The following NUP93 variants were observed in gnomAD, a reference collection of about 807,000 sequenced individuals.
The protein encoded by NUP93 is nucleoporin 93.
NUP93 carries 55 observed loss-of-function variants against 107.8 expected under a neutral mutation model. That is an observed-to-expected ratio of 0.51 (90% CI 0.41 to 0.64). NUP93 has a LOEUF of 0.64. Among genes scored for constraint, NUP93 ranks in the 30% least tolerant of loss-of-function variants. NUP93 has a pLI of 0.00. For missense variants in NUP93, 937 were observed against 1,044.7 expected (o/e 0.90, Z 1.42); for synonymous variants, 390 against 397.5 (o/e 0.98, Z 0.22).
chr16:56,731,360 T>A lies in NUP93; in HGVS notation c.-15+1149T>A, dbSNP rs149559733. On this transcript the variant is annotated intron_variant, in intron 1 of 21. Transcript: ENST00000308159. ...AGGAAAGACCTTGGCTAATAACTTT[T>A]GAGCCATCGTTGACTGCTGTCTTTC... 5.0e-3 allele frequency among the ~76,000 whole-genome samples: 768 copies of A among 152,196 alleles called. 4 individuals carry two copies. Among genetic ancestry groups the A allele is most frequent in the Admixed American group, 0.013 (206 of 15,292 alleles).
intron 2 of NUP93, among the ~76,000 whole-genome samples, chr16:56,752,283 G>A (rs1393174659): frequency 6.6e-6 from 1 of 152,062 alleles, no homozygotes; most frequent in African/African-American, 2.4e-5. Context: ...AAAACCCTGT[G>A]CACAGGGATA....
At chr16:56,762,794 T>C (rs1962149108) in intron 3 of NUP93, among the ~76,000 whole-genome samples, 1 of 152,052 alleles carries the variant, frequency 6.6e-6, no homozygotes, top group Non-Finnish European at 1.5e-5. Flanking sequence ...TAGGGGAGAC[T>C]CCTTCCTCTT....
intron 1 of NUP93, among the ~76,000 whole-genome samples, chr16:56,746,298 C>T (rs189165662): frequency 8.5e-5 from 13 of 152,192 alleles, no homozygotes; most frequent in East Asian, 7.7e-4. Context: ...TCTATCAGGC[C>T]GGAGTAGTTG....
intron 1 of NUP93, among the ~76,000 whole-genome samples, chr16:56,744,467 G>GT (rs1320806411): frequency 6.6e-6 from 1 of 152,040 alleles, no homozygotes; most frequent in East Asian, 1.9e-4. Context: ...CACAATGATG[G>GT]TAACAAAAAA....
intron 6 of NUP93, 142 bp from the exon 7 acceptor site, chr16:56,821,362 G>T: frequency 1.8e-6 from 1 of 568,052 alleles, no homozygotes; most frequent in Non-Finnish European, 3.2e-6. Flanking sequence ...CGCAACTGGG[G>T]AGCTGGCCAG....
At position 56,844,625 on chromosome 16, in the gene NUP93, G is replaced by A; in HGVS notation, c.*16G>A. 6.4e-7 allele frequency: 1 copy of A among 1,566,006 alleles called. No individual in the cohort carries two copies. The highest frequency in any genetic ancestry group is 8.7e-7 in the Non-Finnish European group (1 of 1,149,316). On this transcript the variant is annotated 3_prime_UTR_variant, in exon 22 of 22. Transcript: ENST00000308159. Reference sequence around the variant, plus strand: ...CATGAATTAAGTGCCATGCTTTGTGGGAGTCTGGGTCGGCACACTGTCAGT... The same window carrying A: ...CATGAATTAAGTGCCATGCTTTGTGAGAGTCTGGGTCGGCACACTGTCAGT...
chr16:56,826,208 C>T (rs1251470308), intron 8 of NUP93, among the ~76,000 whole-genome samples: 1 of 152,118 alleles, frequency 6.6e-6, no homozygotes, highest in African/African-American at 2.4e-5. Context: ...TCTTATCCAA[C>T]CTCTGCTTAT....
At chr16:56,778,197 G>C (rs1227204191) in intron 3 of NUP93, among the ~76,000 whole-genome samples, 3 of 152,192 alleles carry the variant, frequency 2.0e-5, no homozygotes, top group Admixed American at 2.0e-4. Context: ...GGGTAGTTGG[G>C]AAAGACTCCC....
At chr16:56,744,084 T>G (rs1450378697) in intron 1 of NUP93, among the ~76,000 whole-genome samples, 23 of 152,306 alleles carry the variant, frequency 1.5e-4, no homozygotes, top group African/African-American at 4.8e-4. Context: ...CTGCATTGAC[T>G]GCTCCGGGTC....
intron 20 of NUP93, among the ~76,000 whole-genome samples, chr16:56,841,323 C>T (rs75658883): frequency 0.019 from 2,853 of 152,054 alleles, 46 homozygotes; most frequent in Non-Finnish European, 0.03. Flanking sequence ...GTGGTAGGGA[C>T]TGTGGAGAAG....
chr16:56,834,397 C>T lies in NUP93; in HGVS notation c.1692C>T (p.Asn564=), dbSNP rs35762426. ...LRDEKDSQGE[N]MFLRCVSELV... ...ATGAGAAAGATAGTCAAGGAGAAAA[C>T]ATGTTTCTGCGCTGTGTGAGTGAGC... Residue 564 remains asparagine, a synonymous_variant, in exon 15 of 22, where the codon AAC becomes AAT. Transcript: ENST00000308159. 1.4e-3 allele frequency: 2,236 copies of T among 1,614,166 alleles called. 38 individuals are homozygous for T. The African/African-American group carries it at 0.027, about 19-fold the overall frequency.
intron 1 of NUP93, among the ~76,000 whole-genome samples, chr16:56,730,577 T>C (rs1961517505): frequency 1.3e-5 from 2 of 152,148 alleles, no homozygotes; most frequent in South Asian, 4.1e-4. Context: ...CCCGCCTGCT[T>C]ACCTTCCTGA....
At chr16:56,752,098 G>T (rs1183716329) in intron 2 of NUP93, among the ~76,000 whole-genome samples, 1 of 152,054 alleles carries the variant, frequency 6.6e-6, no homozygotes, top group African/African-American at 2.4e-5. Context: ...AAATTCTGAG[G>T]TTCTCAAAAT....
intron 1 of NUP93, among the ~76,000 whole-genome samples, chr16:56,733,902 G>T (rs1961572159): frequency 6.6e-6 from 1 of 152,186 alleles, no homozygotes; most frequent in Non-Finnish European, 1.5e-5. Flanking sequence ...GTTGCTAAAA[G>T]CCAGAAGAAA....
At chr16:56,819,630 G>A (rs1383022142) in intron 6 of NUP93, among the ~76,000 whole-genome samples, 1 of 152,204 alleles carries the variant, frequency 6.6e-6, no homozygotes, top group African/African-American at 2.4e-5. Flanking sequence ...GGCAGCTATG[G>A]AGGTGAGCAG....
At chr16:56,795,804 G>A (rs1226584539) in intron 3 of NUP93, among the ~76,000 whole-genome samples, 1 of 151,976 alleles carries the variant, frequency 6.6e-6, no homozygotes, top group Admixed American at 6.6e-5. Context: ...CCGCCACCAC[G>A]GCTGGCTAAT....
intron 3 of NUP93, among the ~76,000 whole-genome samples, chr16:56,788,819 A>G (rs549204876): frequency 6.6e-6 from 1 of 152,280 alleles, no homozygotes; most frequent in East Asian, 1.9e-4. Context: ...ATGTGCCTAC[A>G]TTGTGTTGAC....
intron 1 of NUP93, among the ~76,000 whole-genome samples, chr16:56,742,707 T>G (rs1326407734): frequency 6.6e-6 from 1 of 152,242 alleles, no homozygotes; most frequent in Non-Finnish European, 1.5e-5. Flanking sequence ...GGCTCTTTTG[T>G]AGCTTCCTTT....
intron 3 of NUP93, among the ~76,000 whole-genome samples, chr16:56,771,391 TCTTA>T (rs1441779630): frequency 6.6e-6 from 1 of 152,056 alleles, no homozygotes; most frequent in Non-Finnish European, 1.5e-5. Flanking sequence ...TGTCGTGTAG[TCTTA>T]CTTTTCTTAT....
Sources: gnomAD v4.1 joint callset for allele counts (sites outside exome capture counted in the v4.1 genomes callset) on GRCh38, gnomAD v4.1.1 for gene constraint, MANE v1.5 for transcripts, NCBI Gene and HGNC (gene_info 2026-07-23, HGNC 2026-07-21) for gene names.